The following LRRC7 variants were observed in gnomAD, a reference collection of about 807,000 sequenced individuals.
The protein encoded by LRRC7 is leucine rich repeat containing 7, also known as leucine-rich repeat-containing protein 7.
LRRC7 carries 23 observed loss-of-function variants against 175.7 expected under a neutral mutation model. The observed-to-expected ratio is 0.13, with a 90% CI of 0.09 to 0.19. LRRC7 has a LOEUF of 0.19. LRRC7 is among the 10% of genes least tolerant of loss of function. The pLI, the probability that LRRC7 is intolerant of heterozygous loss-of-function variation, is 1.00. For synonymous variants in LRRC7, 685 were observed against 680.9 expected (o/e 1.01, Z -0.09); for missense variants, 1,354 against 1,904.7 (o/e 0.71, Z 5.38).
intron 2 of LRRC7, among the ~76,000 whole-genome samples, chr1:69,692,864 A>G (rs1884580): frequency 0.23 from 35,108 of 152,056 alleles, 4,608 homozygotes; most frequent in South Asian, 0.33. Flanking sequence ...TTAAGTTGGT[A>G]GCCCTCCCTA....
chr1:69,899,079 T>G (rs1402508422), intron 7 of LRRC7, among the ~76,000 whole-genome samples: 1 of 152,182 alleles, frequency 6.6e-6, no homozygotes, highest in Non-Finnish European at 1.5e-5. Context: ...TTTTAGTATT[T>G]TTTTATCTGT....
intron 7 of LRRC7, among the ~76,000 whole-genome samples, chr1:69,914,879 T>C (rs2101713538): frequency 6.6e-6 from 1 of 152,274 alleles, no homozygotes; most frequent in Middle Eastern, 3.4e-3. Context: ...CTGAAACATT[T>C]GCAATGTGGC....
chr1:69,778,883 TACAC>T lies in LRRC7; in HGVS notation c.304-13150_304-13147del, dbSNP rs566636911. ...GCAAAAACAAATATATACACACACATACACACACACACATATATATATACACACA... is the reference window on the plus strand; with the variant it reads ...GCAAAAACAAATATATACACACACATACACACACATATATATATACACACA... On this transcript the variant is annotated intron_variant, in intron 3 of 26. Coordinates refer to ENST00000651989, the MANE Select transcript of LRRC7 (RefSeq NM_001370785.2). Among the ~76,000 whole-genome samples the T allele has an allele frequency of 4.7e-3, 699 of 148,900 alleles. 3 individuals carry two copies. The highest frequency in any genetic ancestry group is 7.5e-3 in the Non-Finnish European group (503 of 66,856).
chr1:69,980,522 T>C, intron 9 of LRRC7, 69 bp downstream of exon 9: 1 of 1,199,818 alleles, frequency 8.3e-7, no homozygotes, highest in Non-Finnish European at 1.2e-6. Context: ...GATCATAATC[T>C]CAACTCTTAA....
At chr1:69,694,745 C>G (rs572823073) in intron 2 of LRRC7, among the ~76,000 whole-genome samples, 1 of 151,892 alleles carries the variant, frequency 6.6e-6, no homozygotes, top group African/African-American at 2.4e-5. Context: ...CCTACCCCCC[C>G]CCACTTCCTC....
At chr1:69,734,930 A>G (rs1161057431) in intron 2 of LRRC7, among the ~76,000 whole-genome samples, 5 of 151,940 alleles carry the variant, frequency 3.3e-5, no homozygotes, top group Admixed American at 3.3e-4. Context: ...AGAACAATAA[A>G]ATGTTTCTAG....
chr1:69,610,133 G>C (rs543210144), intron 1 of LRRC7, among the ~76,000 whole-genome samples: 2 of 151,900 alleles, frequency 1.3e-5, no homozygotes, highest in African/African-American at 4.8e-5. Flanking sequence ...CTCTATAATG[G>C]GTTCTTGTCT....
chr1:69,990,751 G>A (rs1654359600), intron 10 of LRRC7, among the ~76,000 whole-genome samples: 2 of 152,056 alleles, frequency 1.3e-5, no homozygotes, highest in African/African-American at 2.4e-5. Context: ...AAAATAAAAT[G>A]TAAAAATGAT....
chr1:70,052,988 C>T (rs768977172), intron 22 of LRRC7, 38 bp from the exon 23 acceptor site: 3 of 1,553,646 alleles, frequency 1.9e-6, no homozygotes, highest in Admixed American at 3.9e-5. Flanking sequence ...TAAACTTCTA[C>T]TACATCACTA....
chr1:69,891,612 G>C (rs1374244992), intron 7 of LRRC7, among the ~76,000 whole-genome samples: 6 of 152,054 alleles, frequency 3.9e-5, no homozygotes, highest in South Asian at 2.1e-4. Flanking sequence ...TACATCTGTA[G>C]TGCCAGCTAC....
intron 1 of LRRC7, among the ~76,000 whole-genome samples, chr1:69,590,556 G>C (rs1341569828): frequency 6.6e-6 from 1 of 152,096 alleles, no homozygotes; most frequent in Non-Finnish European, 1.5e-5. Context: ...AATGGGGATT[G>C]GAAAGCCTCT....
intron 7 of LRRC7, among the ~76,000 whole-genome samples, chr1:69,914,852 C>T (rs780146688): frequency 4.6e-5 from 7 of 152,030 alleles, no homozygotes; most frequent in Non-Finnish European, 8.8e-5. Context: ...AGACAGAGAC[C>T]ATATGGACTG....
chr1:70,093,950 C>G (rs890037552), intron 25 of LRRC7, among the ~76,000 whole-genome samples: 6 of 152,006 alleles, frequency 3.9e-5, no homozygotes, highest in African/African-American at 7.2e-5. Context: ...ATAAGGCAAC[C>G]CAGGACTCTG....
chr1:69,960,302 G>C (rs1020847366), intron 8 of LRRC7, among the ~76,000 whole-genome samples: 1 of 152,032 alleles, frequency 6.6e-6, no homozygotes, highest in Non-Finnish European at 1.5e-5. Flanking sequence ...ATGGTTGTTT[G>C]TATTTCTGTG....
At chr1:69,931,351 G>T (rs1041916372) in intron 7 of LRRC7, among the ~76,000 whole-genome samples, 156 bp from the exon 8 acceptor site, 25 of 152,190 alleles carry the variant, frequency 1.6e-4, no homozygotes, top group African/African-American at 5.8e-4. Flanking sequence ...AGTTTGCATA[G>T]ATTTTGTGTA....
rs1184894306 is a variant in LRRC7, at chr1:69,818,426, G to A, written c.422-7322G>A. On this transcript the variant is annotated intron_variant, in intron 4 of 26. Transcript: ENST00000651989. ...TGGTGTATCACATTTATTGATTTGT[G>A]GATGATAAACCATCTTTGCCTCCCC... Among the ~76,000 whole-genome samples, 3 of 151,958 alleles carry A rather than the reference G, an allele frequency of 2.0e-5. No homozygotes were observed. In the South Asian group the frequency reaches 6.2e-4, roughly 32 times the overall value.
chr1:70,102,414 CAG>C (rs1664863315), intron 25 of LRRC7, among the ~76,000 whole-genome samples: 1 of 152,136 alleles, frequency 6.6e-6, no homozygotes, highest in Non-Finnish European at 1.5e-5. Flanking sequence ...ATACTCTAAA[CAG>C]AGAGGAAAAG....
chr1:69,895,143 A>T (rs576124297), intron 7 of LRRC7, among the ~76,000 whole-genome samples: 176 of 152,286 alleles, frequency 1.2e-3, no homozygotes, highest in African/African-American at 4.1e-3. Context: ...GAGGCAGGTG[A>T]ATCGCTTGAA....
rs531811496 is a variant in LRRC7, at chr1:69,656,403, G to C, written c.3-21978G>C. Among the ~76,000 whole-genome samples, 14 of 152,052 alleles carry C rather than the reference G, an allele frequency of 9.2e-5. 1 individual carries two copies. In the South Asian group the frequency reaches 1.0e-3, roughly 11 times the overall value. On this transcript the variant is annotated intron_variant, in intron 1 of 26. Transcript: ENST00000651989. ...TGTATAATAATTGTTAGCAAGGCCT[G>C]ATTAGTGATCCTGCAAATAGACTAT...
Sources: gnomAD v4.1 joint callset for allele counts (sites outside exome capture counted in the v4.1 genomes callset) on GRCh38, gnomAD v4.1.1 for gene constraint, MANE v1.5 for transcripts, NCBI Gene and HGNC (gene_info 2026-07-23, HGNC 2026-07-21) for gene names.